The following VPS13B variants were observed in gnomAD, a reference collection of about 807,000 sequenced individuals.
The protein encoded by VPS13B is vacuolar protein sorting 13 homolog B.
In VPS13B, 285 loss-of-function variants were observed where a neutral mutation model predicts 426.4. The ratio of observed to expected loss-of-function variants is 0.67; its 90% CI spans 0.61 to 0.74. The LOEUF is 0.74. VPS13B is among the 30% of genes least tolerant of loss of function. The probability of loss-of-function intolerance (pLI) is 0.00; values close to 1 mark genes in which losing one functional copy is unlikely to be tolerated. For missense variants in VPS13B, 4,537 were observed against 4,782.6 expected, an observed-to-expected ratio of 0.95 and a Z score of 1.51; for synonymous variants, 1,676 against 1,676.4, an observed-to-expected ratio of 1.00 and a Z score of 0.01.
At chr8:99,802,949 G>T (rs1813201212) in intron 43 of VPS13B, among the ~76,000 whole-genome samples, 1 of 152,092 alleles carries the variant, frequency 6.6e-6, no homozygotes, top group African/African-American at 2.4e-5. Flanking sequence ...TTGTTTTAAG[G>T]AATAAGTAAT....
At chr8:99,196,778 G>A (rs1236553715) in intron 17 of VPS13B, among the ~76,000 whole-genome samples, 3 of 152,030 alleles carry the variant, frequency 2.0e-5, no homozygotes, top group Non-Finnish European at 4.4e-5. Flanking sequence ...AACAAGTAGA[G>A]GCAATTTAAC....
At chr8:99,536,888 G>A (rs1563782920) in intron 30 of VPS13B, 22 of 461,466 alleles carry the variant, frequency 4.8e-5, no homozygotes, top group Middle Eastern at 4.1e-4. Context: ...AAAAACTAGG[G>A]AAAAAAAGTA....
At chr8:99,202,131 T>A (rs1349133042) in intron 17 of VPS13B, among the ~76,000 whole-genome samples, 1 of 152,208 alleles carries the variant, frequency 6.6e-6, no homozygotes, top group African/African-American at 2.4e-5. Context: ...CAGTCAGAAT[T>A]GTAGTCTAGG....
At chr8:99,241,174 A>C (rs1484308157) in intron 17 of VPS13B, 1 of 152,238 alleles carries the variant, frequency 6.6e-6, no homozygotes, top group Non-Finnish European at 1.5e-5. Context: ...TTTGTGTCAA[A>C]GTTATGAAGT....
rs753585905 is a variant in VPS13B at position 99,819,964 on chromosome 8, C to T, written c.8836C>T (p.Leu2946=). The change falls in exon 49 of 62, where the codon CTG becomes TTG. Residue 2946 remains leucine, a synonymous_variant. Coordinates refer to ENST00000357162, the MANE Select transcript of VPS13B (RefSeq NM_152564.5). ...SQWDSPMRVK[L]SIWKPYVRTL... is the part of the protein sequence containing the mutation. ...GTGGGATAGCCCAATGCGAGTGAAG[C>T]TGTCAATCTGGAAGCCATATGTTAG... 3 of 1,614,004 alleles carry T rather than the reference C, an allele frequency of 1.9e-6. No homozygotes were observed. The highest frequency in any genetic ancestry group is 1.7e-5 in the Admixed American group (1 of 59,998).
At chr8:99,366,345 C>A (rs990937365) in intron 19 of VPS13B, among the ~76,000 whole-genome samples, 1 of 151,886 alleles carries the variant, frequency 6.6e-6, no homozygotes, top group African/African-American at 2.4e-5. Context: ...ATAATGACCT[C>A]CTTTGTCTCT....
intron 4 of VPS13B, among the ~76,000 whole-genome samples, chr8:99,099,954 C>G (rs1469752033): frequency 6.6e-6 from 1 of 152,106 alleles, no homozygotes; most frequent in African/African-American, 2.4e-5. Flanking sequence ...CTTAGTGTGA[C>G]TTTCTATTTT....
intron 25 of VPS13B, among the ~76,000 whole-genome samples, 161 bp from the exon 26 acceptor site, chr8:99,501,526 C>CAT (rs1821232783): frequency 6.6e-6 from 1 of 152,116 alleles, no homozygotes; most frequent in South Asian, 2.1e-4. Flanking sequence ...TATGTTTATA[C>CAT]ATTAGCATTA....
intron 40 of VPS13B, among the ~76,000 whole-genome samples, chr8:99,768,503 A>T (rs914789727): frequency 6.6e-6 from 1 of 152,212 alleles, no homozygotes; most frequent in African/African-American, 2.4e-5. Flanking sequence ...TGTTCATTGA[A>T]GAACATTTGG....
chr8:99,127,834 C>G (rs572011794), intron 8 of VPS13B, among the ~76,000 whole-genome samples: 1 of 151,950 alleles, frequency 6.6e-6, no homozygotes, highest in African/African-American at 2.4e-5. Flanking sequence ...AGTAAAATTA[C>G]TGTATTTTAA....
chr8:99,428,501 G>A (rs1012560717), intron 21 of VPS13B, among the ~76,000 whole-genome samples: 1 of 152,154 alleles, frequency 6.6e-6, no homozygotes. Context: ...CTCAAGAGAA[G>A]ACATTTTTGC....
At chr8:99,083,269 G>A (rs1293873905) in intron 3 of VPS13B, among the ~76,000 whole-genome samples, 1 of 151,894 alleles carries the variant, frequency 6.6e-6, no homozygotes, top group Non-Finnish European at 1.5e-5. Context: ...GTTTGTTATT[G>A]GTGTATAGGA....
At chr8:99,717,433 T>C in intron 37 of VPS13B, 60 bp downstream of exon 37, 1 of 1,450,640 alleles carries the variant, frequency 6.9e-7, no homozygotes, top group Non-Finnish European at 9.6e-7. Flanking sequence ...GTTCATTTTT[T>C]GAACTGTTTC....
chr8:99,212,408 A>G (rs908531470), intron 17 of VPS13B, among the ~76,000 whole-genome samples: 4 of 152,220 alleles, frequency 2.6e-5, no homozygotes, highest in Non-Finnish European at 5.9e-5. Context: ...TTCTGAAACC[A>G]TCAGACAAAT....
chr8:99,828,244 A>G (rs774305131), intron 51 of VPS13B, among the ~76,000 whole-genome samples: 1 of 151,964 alleles, frequency 6.6e-6, no homozygotes, highest in Non-Finnish European at 1.5e-5. Flanking sequence ...CTTTATGAAT[A>G]TGGATGCTCT....
At chr8:99,035,909 T>C (rs1842723074) in intron 2 of VPS13B, among the ~76,000 whole-genome samples, 1 of 152,220 alleles carries the variant, frequency 6.6e-6, no homozygotes, top group Non-Finnish European at 1.5e-5. Context: ...GTAGTTATGC[T>C]GAGCTTCTTT....
chr8:99,060,123 G>A (rs546645903), intron 3 of VPS13B, among the ~76,000 whole-genome samples: 4 of 152,208 alleles, frequency 2.6e-5, no homozygotes, highest in Admixed American at 1.3e-4. Context: ...ACCACACACT[G>A]ATACTTGTAG....
intron 19 of VPS13B, among the ~76,000 whole-genome samples, chr8:99,351,577 C>T (rs1033112941): frequency 2.0e-5 from 3 of 152,030 alleles, no homozygotes; most frequent in African/African-American, 4.8e-5. Flanking sequence ...TGACACAGAT[C>T]AAACATTACC....
Position 99,192,956 on chromosome 8 carries a change from C to T in VPS13B, c.2414C>T (p.Thr805Ile). Reference protein sequence around the residue: ...NLTIQATRAQTLLLQAIYQSW... With the variant: ...NLTIQATRAQILLLQAIYQSW... Reference sequence around the variant, plus strand: ...ACAATTCAAGCTACAAGAGCACAGACACTTCTCTTGCAAGCAATATATCAA... The same window carrying T: ...ACAATTCAAGCTACAAGAGCACAGATACTTCTCTTGCAAGCAATATATCAA... Residue 805 changes from threonine (T) to isoleucine (I), a missense_variant, in exon 17 of 62, where the codon ACA becomes ATA. By Grantham distance (89) the Thr-to-Ile change is moderately conservative. This residue lies in a region of VPS13B where 4,311 missense variants were observed against 4,474.3 expected (regional missense o/e 0.96). Transcript: ENST00000357162. 1 of 1,613,700 alleles carries T rather than the reference C, an allele frequency of 6.2e-7. No homozygotes were observed. Among genetic ancestry groups the T allele is most frequent in the African/African-American group, 1.3e-5 (1 of 75,026 alleles).
Sources: allele counts gnomAD v4.1 joint callset (sites outside exome capture counted in the v4.1 genomes callset), GRCh38; gene constraint gnomAD v4.1.1; regional missense constraint gnomAD v4.1.1; transcripts MANE v1.5; gene names NCBI Gene and HGNC (gene_info 2026-07-23, HGNC 2026-07-21).